Variants in MAEA observed in about 807,000 individuals in gnomAD.
MAEA encodes the protein macrophage erythroblast attacher, E3 ubiquitin ligase.
MAEA carries 22 observed loss-of-function variants against 46.2 expected under a neutral mutation model. That is an observed-to-expected ratio of 0.48 (90% CI 0.34 to 0.68). MAEA has a LOEUF of 0.68. Ranked by LOEUF, MAEA falls within the 30% of genes least tolerant of loss-of-function variation. MAEA has a pLI of 0.01. For synonymous variants in MAEA, 246 were observed against 222.6 expected (o/e 1.11, Z -0.94); for missense variants, 393 against 558.1 (o/e 0.70, Z 2.98).
In MAEA at chr4:1,311,429, C is replaced by A. The variant is rs923895941; in HGVS notation, c.70-550C>A. ...TTCCACAGGGAATGGATGGTTCTTA[C>A]GACTGGGGAAGGCAAACGCTGTCAC... On this transcript the variant is annotated intron_variant, in intron 1 of 8. Coordinates refer to ENST00000303400, the MANE Select transcript of MAEA (RefSeq NM_001017405.3). The surrounding 1 kb of genome is among the most constrained non-coding windows in gnomAD (Gnocchi z 4.4). Among the ~76,000 whole-genome samples the A allele has an allele frequency of 6.6e-6, 1 of 152,232 alleles. No individual in the cohort carries two copies.
chr4:1,316,165 C>A (rs979456586), intron 3 of MAEA, among the ~76,000 whole-genome samples: 3 of 152,112 alleles, frequency 2.0e-5, no homozygotes, highest in Non-Finnish European at 4.4e-5. Flanking sequence ...TTATCTCAGG[C>A]GGGGTGCGTT....
At chr4:1,312,423 A>ATTTTTTTTTTTTTTTTTTTTTTTTTTTT (rs34329974) in intron 2 of MAEA, 1 of 161,780 alleles carries the variant, frequency 6.2e-6, no homozygotes, top group African/African-American at 4.9e-5. Context: ...AGGTTGATTG[A>ATTTTTTTTTTTTTTTTTTTTTTTTTTTT]TTTTTTTTTT....
intron 3 of MAEA, among the ~76,000 whole-genome samples, chr4:1,321,859 C>T (rs1158365833): frequency 1.4e-5 from 2 of 143,812 alleles, no homozygotes; most frequent in South Asian, 4.3e-4. Context: ...CTGGGTTACT[C>T]TGTTTTTTTT....
chr4:1,339,035 A>T, intron 8 of MAEA, 39 bp from the exon 9 acceptor site: 1 of 1,445,150 alleles, frequency 6.9e-7, no homozygotes, highest in Non-Finnish European at 9.7e-7. Flanking sequence ...TGTACGTTGT[A>T]GTCGCTTGCC....
In MAEA at chr4:1,339,055, T is replaced by A; in HGVS notation, c.1096-19T>A. 1.9e-6 allele frequency: 3 copies of A among 1,599,352 alleles called. No individual in the cohort carries two copies. Among genetic ancestry groups the A allele is most frequent in the Non-Finnish European group, 1.7e-6 (2 of 1,166,656 alleles). On this transcript the variant is annotated intron_variant, in intron 8 of 8. Transcript: ENST00000303400. ...GTTGTAGTCGCTTGCCTTAATGCAT[T>A]CCCGGTTTTATTTTTCAGTCTCTGC...
At chr4:1,297,086 G>C (rs1273779288) in intron 1 of MAEA, among the ~76,000 whole-genome samples, 1 of 152,164 alleles carries the variant, frequency 6.6e-6, no homozygotes, top group African/African-American at 2.4e-5. Context: ...TCAAAGATAC[G>C]ATACCAGGCG....
intron 1 of MAEA, among the ~76,000 whole-genome samples, chr4:1,291,548 C>G (rs1450578599): frequency 6.6e-6 from 1 of 152,358 alleles, no homozygotes; most frequent in East Asian, 1.9e-4. Context: ...GTCCTAACCA[C>G]TGACCACTTT....
At chr4:1,308,451 G>A (rs907338675) in intron 1 of MAEA, among the ~76,000 whole-genome samples, 4 of 152,198 alleles carry the variant, frequency 2.6e-5, no homozygotes, top group East Asian at 1.9e-4. Context: ...TTCAGTTCTC[G>A]TGGCCTACTG....
rs112607394 is a variant in MAEA, at chr4:1,300,832, G to T, written c.69+10850G>T. On this transcript the variant is annotated intron_variant, in intron 1 of 8. Coordinates refer to ENST00000303400, the MANE Select transcript of MAEA (RefSeq NM_001017405.3). ...GTTACATCCCCTCAGAAGTTGACTG[G>T]AAGTGTCATTTTTTCAAGAAGCCTC... is the stretch of plus-strand genomic sequence containing the variant. Among the ~76,000 whole-genome samples, 11 of 152,354 alleles carry T rather than the reference G, an allele frequency of 7.2e-5. No homozygotes were observed. In the East Asian group the frequency reaches 2.1e-3, roughly 29 times the overall value.
At chr4:1,323,970 G>A (rs1202134061) in intron 4 of MAEA, among the ~76,000 whole-genome samples, 1 of 151,944 alleles carries the variant, frequency 6.6e-6, no homozygotes. Context: ...GTTGAGATTG[G>A]GTGAGCATGC....
Position 1,323,666 on chromosome 4 carries a change from C to T in MAEA, c.579+1163C>T, listed in dbSNP as rs759028739. On this transcript the variant is annotated intron_variant, in intron 4 of 8. Transcript: ENST00000303400. ...AGCCCCACACTCCCTCCCAGAGAGCCGGCACACACCTCACAGTGGGAACTC... is the reference window on the plus strand; with the variant it reads ...AGCCCCACACTCCCTCCCAGAGAGCTGGCACACACCTCACAGTGGGAACTC... The T allele has an allele frequency of 5.7e-5, 40 of 698,218 alleles. 1 individual carries two copies. Among genetic ancestry groups the T allele is most frequent in the South Asian group, 3.1e-4 (21 of 67,334 alleles). 43.3% of individuals were successfully genotyped at this position (698,218 alleles called of 1,614,324 possible).
chr4:1,337,893 ACTCTGT>A (rs1407143572), intron 7 of MAEA: 1 of 169,858 alleles, frequency 5.9e-6, no homozygotes, highest in East Asian at 1.8e-4. Context: ...CCTGCAACTG[ACTCTGT>A]CCCCGCCTAT....
chr4:1,337,144 T>A (rs1712876313), intron 7 of MAEA, 150 bp downstream of exon 7: 5 of 951,406 alleles, frequency 5.3e-6, no homozygotes, highest in Non-Finnish European at 7.8e-6. Flanking sequence ...GGTGTCTGGA[T>A]GGTCGGGGTG....
At chr4:1,332,959 G>A (rs1321560409) in intron 6 of MAEA, 94 bp downstream of exon 6, 19 of 879,218 alleles carry the variant, frequency 2.2e-5, no homozygotes, top group South Asian at 3.6e-5. Context: ...GGGGCGGGAC[G>A]TGAGGGCCCC....
rs1713299579 is a variant in MAEA at position 1,340,032 on chromosome 4, C to T, written c.*863C>T. On this transcript the variant is annotated 3_prime_UTR_variant, in exon 9 of 9. Transcript: ENST00000303400. ...TGAACCACCGTAGCTGACAGAGAAC[C>T]GTATCGTAGAGGTTTGTAGTTAGTG... 1.3e-5 allele frequency: 2 copies of T among 152,676 alleles called. No individual in the cohort carries two copies. The highest frequency in any genetic ancestry group is 2.4e-5 in the African/African-American group (1 of 41,454). The allele number at this position is 152,676 out of a possible 1,614,324, so 9.5% of individuals were successfully genotyped here. A position where few individuals can be genotyped will look rare whatever the true frequency, so the allele number is the denominator to read the frequency against.
In MAEA at chr4:1,332,806, G is replaced by T; in HGVS notation, c.706G>T (p.Val236Leu). 6.2e-7 allele frequency: 1 copy of T among 1,613,336 alleles called. No homozygotes were observed. Among genetic ancestry groups the T allele is most frequent in the Non-Finnish European group, 8.5e-7 (1 of 1,179,806 alleles). ...AGCAGAAGGGAGCCAGCTGGACGAG[G>T]TGCGCCAGGCCATGGGCATGCTGGC... ...SQAEGSQLDE[V>L]RQAMGMLAFP... The change falls in exon 6 of 9, where the codon GTG becomes TTG. Residue 236 changes from valine to leucine, a missense_variant. Coordinates refer to ENST00000303400, the MANE Select transcript of MAEA (RefSeq NM_001017405.3).
chr4:1,334,374 G>C (rs1407352193), intron 6 of MAEA, among the ~76,000 whole-genome samples: 1 of 95,104 alleles, frequency 1.1e-5, no homozygotes, highest in African/African-American at 4.3e-5. Context: ...TCTGAAAGCT[G>C]CTGGAAGCTC....
rs368415868 is a variant in MAEA at position 1,328,609 on chromosome 4, A to G, written c.656+906A>G. 6 of 1,224,530 alleles carry G rather than the reference A, an allele frequency of 4.9e-6. No individual in the cohort carries two copies. In the African/African-American group the frequency reaches 6.3e-5, roughly 13 times the overall value. The allele number at this position is 1,224,530 out of a possible 1,614,324, so 75.9% of individuals were successfully genotyped here. A position where few individuals can be genotyped will look rare whatever the true frequency, so the allele number is the denominator to read the frequency against. ...ACCTGTCCATGCCCACAGAAACCCG[A>G]CCGCGACTCCATATCCACCTGCAGT... On this transcript the variant is annotated intron_variant, in intron 5 of 8. Coordinates refer to ENST00000303400, the MANE Select transcript of MAEA (RefSeq NM_001017405.3).
At position 1,311,954 on chromosome 4, in the gene MAEA, C is replaced by A; in HGVS notation, c.70-25C>A. The stretch of plus-strand genomic sequence containing the variant: ...GGGGCTCACACCAGGGGAGCAGATC[C>A]CTCACCATCCTCCTTCCTCTCCAGG... On this transcript the variant is annotated intron_variant, in intron 1 of 8. Transcript: ENST00000303400. The surrounding 1 kb of genome is among the most constrained non-coding windows in gnomAD (Gnocchi z 4.4). 1.3e-6 allele frequency: 2 copies of A among 1,591,364 alleles called. No individual in the cohort carries two copies. Among genetic ancestry groups the A allele is most frequent in the Non-Finnish European group, 1.7e-6 (2 of 1,164,260 alleles).
Sources: allele counts gnomAD v4.1 joint callset (sites outside exome capture counted in the v4.1 genomes callset), GRCh38; gene constraint gnomAD v4.1.1; non-coding constraint Gnocchi (gnomAD v3.1); transcripts MANE v1.5; gene names NCBI Gene and HGNC (gene_info 2026-07-23, HGNC 2026-07-21).